Variants in SLC30A2 observed in about 807,000 individuals in gnomAD.
SLC30A2 encodes proton-coupled zinc antiporter SLC30A2.
Under a neutral mutation model 39.6 loss-of-function variants are expected in SLC30A2, and 19 were observed. That is an observed-to-expected ratio of 0.48 (90% CI 0.34 to 0.70). The LOEUF is 0.70. Among genes scored for constraint, SLC30A2 ranks in the 30% least tolerant of loss-of-function variants. SLC30A2 has a pLI of 0.01. For missense variants in SLC30A2, 387 were observed against 479.4 expected (o/e 0.81, Z 1.80); for synonymous variants, 195 against 194.8 (o/e 1.00, Z -0.01).
Position 26,045,944 on chromosome 1 carries a change from G to C in SLC30A2, c.-48C>G. ...CAGCCGCGCAGCCGCCCCGCCGAGT[G>C]CGCCCTGAAAGTTGCGCGCGGGACT... On this transcript the variant is annotated 5_prime_UTR_variant, in exon 1 of 8. Transcript: ENST00000374276. 1 of 1,602,652 alleles carries C rather than the reference G, an allele frequency of 6.2e-7. No homozygotes were observed. Among genetic ancestry groups the C allele is most frequent in the East Asian group, 2.2e-5 (1 of 44,622 alleles).
At chr1:26,044,603 G>A (rs1344999018) in intron 2 of SLC30A2, among the ~76,000 whole-genome samples, 159 bp from the exon 3 acceptor site, 3 of 152,096 alleles carry the variant, frequency 2.0e-5, no homozygotes, top group Admixed American at 6.5e-5. Context: ...CTCTCTCTGA[G>A]CCTCAACTTC....
chr1:26,042,779 A>G (rs2050413276), intron 4 of SLC30A2, 71 bp from the exon 5 acceptor site: 14 of 1,413,468 alleles, frequency 9.9e-6, no homozygotes, highest in South Asian at 6.0e-5. Flanking sequence ...GGACTAGCCA[A>G]CTTGTAGGGC....
rs1293925424 is a variant in SLC30A2, at chr1:26,037,660, T to G, written c.*1500A>C. The G allele has an allele frequency of 6.6e-6, 1 of 152,016 alleles. No homozygotes were observed. Among genetic ancestry groups the G allele is most frequent in the Non-Finnish European group, 1.5e-5 (1 of 68,064 alleles). 9.4% of individuals were successfully genotyped at this position (152,016 alleles called of 1,614,324 possible). Reference sequence around the variant, plus strand: ...GTAGGGGAGGTTGAGTCCCCTGAGATTGTGGTGGAATGGAGCACCCACCAG... The same window carrying G: ...GTAGGGGAGGTTGAGTCCCCTGAGAGTGTGGTGGAATGGAGCACCCACCAG... On this transcript the variant is annotated 3_prime_UTR_variant, in exon 8 of 8. Coordinates refer to ENST00000374276, the MANE Select transcript of SLC30A2 (RefSeq NM_001004434.3).
Position 26,039,427 on chromosome 1 carries a change from GC to G in SLC30A2, c.974-123del. The G allele has an allele frequency of 1.3e-6, 1 of 752,758 alleles. No homozygotes were observed. Among genetic ancestry groups the G allele is most frequent in the Non-Finnish European group, 2.1e-6 (1 of 466,898 alleles). 46.6% of individuals were successfully genotyped at this position (752,758 alleles called of 1,614,324 possible). ...GATGGGGGACCATGAACATGGAGAA[GC>G]CCCCAGATTCCATTCCTCTGCCAGG... On this transcript the variant is annotated intron_variant, in intron 7 of 7. Transcript: ENST00000374276. The surrounding 1 kb of genome is among the most constrained non-coding windows in gnomAD (Gnocchi z 4.3).
chr1:26,039,645 A>G lies in SLC30A2; in HGVS notation c.973+132T>C. ...CTGATCAGATGGAATAATGCGTATC[A>G]AGTACTCAGCATGAGGCTGGGCTTG... is the stretch of plus-strand genomic sequence containing the variant. On this transcript the variant is annotated intron_variant, in intron 7 of 7. Coordinates refer to ENST00000374276, the MANE Select transcript of SLC30A2 (RefSeq NM_001004434.3). This position sits in a 1 kb window ranked among gnomAD's most constrained non-coding sequence, Gnocchi z 4.3. 2 of 855,056 alleles carry G rather than the reference A, an allele frequency of 2.3e-6. No homozygotes were observed. Among genetic ancestry groups the G allele is most frequent in the Non-Finnish European group, 3.6e-6 (2 of 550,068 alleles). The allele number at this position is 855,056 out of a possible 1,614,324, so 53.0% of individuals were successfully genotyped here.
intron 2 of SLC30A2, 121 bp downstream of exon 2, chr1:26,044,876 T>C (rs1032036346): frequency 1.3e-6 from 1 of 776,978 alleles, no homozygotes; most frequent in Non-Finnish European, 2.2e-6. Flanking sequence ...CATCAGATAA[T>C]GTGTATATAA....
intron 1 of SLC30A2, 130 bp from the exon 2 acceptor site, chr1:26,045,347 A>G: frequency 1.4e-6 from 1 of 713,888 alleles, no homozygotes; most frequent in Non-Finnish European, 2.3e-6. Context: ...AGCTCGACAA[A>G]CCAGAGGTGA....
At position 26,039,907 on chromosome 1, in the gene SLC30A2, G is replaced by A. The variant is rs1256642039; in HGVS notation, c.843C>T (p.Thr281=). 2 of 1,613,996 alleles carry A rather than the reference G, an allele frequency of 1.2e-6. No individual in the cohort carries two copies. Among genetic ancestry groups the A allele is most frequent in the South Asian group, 2.2e-5 (2 of 91,074 alleles). Residue 281 remains threonine, a synonymous_variant, in exon 7 of 8, where the codon ACC becomes ACT. Coordinates refer to ENST00000374276, the MANE Select transcript of SLC30A2 (RefSeq NM_001004434.3). The surrounding 1 kb of genome is among the most constrained non-coding windows in gnomAD (Gnocchi z 4.3). The part of the protein sequence containing the change: ...RDVILVLMEG[T]PKGVDFTAVR... ...CAGCTGTGAAGTCAACGCCCTTGGG[G>A]GTCCCTGAGGACGGCAAGGACAGGG...
chr1:26,043,447 C>CA lies in SLC30A2; in HGVS notation c.522_523insT (p.Gly175TrpfsTer112). The CA allele has an allele frequency of 6.2e-7, 1 of 1,614,162 alleles. No individual in the cohort carries two copies. Among genetic ancestry groups the CA allele is most frequent in the Non-Finnish European group, 8.5e-7 (1 of 1,180,004 alleles). On this transcript the variant is annotated frameshift_variant, in exon 4 of 8. Transcript: ENST00000374276. LOFTEE classifies it high-confidence loss of function. ...CCCGACGTGATCAGCATGGTCCCCC[C>CA]GTCAATTTCATAGTCCCCAGAGATC...
rs1378226172 is a variant in SLC30A2 at position 26,045,164 on chromosome 1, C to G, written c.104G>C (p.Arg35Pro). ...QEGAGWIPLP[R>P]PGLDLQAIEL... ...AATGGCCTGCAAGTCCAGGCCAGGT[C>G]GGGGCAGAGGAATCCAGCCAGCCCC... The change falls in exon 2 of 8, where the codon CGA becomes CCA. Residue 35 changes from arginine to proline, a missense_variant. Coordinates refer to ENST00000374276, the MANE Select transcript of SLC30A2 (RefSeq NM_001004434.3). 1.2e-6 allele frequency: 2 copies of G among 1,613,222 alleles called. No homozygotes were observed. Among genetic ancestry groups the G allele is most frequent in the South Asian group, 2.2e-5 (2 of 91,036 alleles).
Position 26,038,055 on chromosome 1 carries a change from T to A in SLC30A2, c.*1105A>T, listed in dbSNP as rs1569688533. 2 of 152,348 alleles carry A rather than the reference T, an allele frequency of 1.3e-5. No individual in the cohort carries two copies. Among genetic ancestry groups the A allele is most frequent in the Middle Eastern group, 6.8e-3 (2 of 294 alleles). The allele number at this position is 152,348 out of a possible 1,614,324, so 9.4% of individuals were successfully genotyped here. A position where few individuals can be genotyped will look rare whatever the true frequency, so the allele number is the denominator to read the frequency against. The stretch of plus-strand genomic sequence containing the variant: ...CAACTGGCTCTTGTTCTCAACCCTG[T>A]GAGGGAGGCATCAACCCTGTCGGTG... On this transcript the variant is annotated 3_prime_UTR_variant, in exon 8 of 8. Transcript: ENST00000374276.
Position 26,045,153 on chromosome 1 carries a change from C to T in SLC30A2, c.115G>A (p.Asp39Asn). 6.2e-7 allele frequency: 1 copy of T among 1,613,686 alleles called. No individual in the cohort carries two copies. Among genetic ancestry groups the T allele is most frequent in the Non-Finnish European group, 8.5e-7 (1 of 1,180,018 alleles). ...GCAGCCAGCTCAATGGCCTGCAAGT[C>T]CAGGCCAGGTCGGGGCAGAGGAATC... ...GWIPLPRPGLDLQAIELAAQS... is the reference protein window; with the variant it reads ...GWIPLPRPGLNLQAIELAAQS... The change falls in exon 2 of 8, where the codon GAC becomes AAC. Residue 39 changes from aspartate (D) to asparagine (N), a missense_variant. By Grantham distance (23) the Asp-to-Asn change is conservative. Transcript: ENST00000374276.
chr1:26,038,497 C>T lies in SLC30A2; in HGVS notation c.*663G>A, dbSNP rs569131124. 1.3e-5 allele frequency: 2 copies of T among 152,404 alleles called. No individual in the cohort carries two copies. Among genetic ancestry groups the T allele is most frequent in the East Asian group, 1.9e-4 (1 of 5,190 alleles). 9.4% of individuals were successfully genotyped at this position (152,404 alleles called of 1,614,324 possible). On this transcript the variant is annotated 3_prime_UTR_variant, in exon 8 of 8. Transcript: ENST00000374276. ...GTGCAGAACCCAAGCTGAAATCTCTCTACCCCCTGCCCACCACCTGTGCCA... is the reference window on the plus strand; with the variant it reads ...GTGCAGAACCCAAGCTGAAATCTCTTTACCCCCTGCCCACCACCTGTGCCA...
intron 2 of SLC30A2, 126 bp downstream of exon 2, chr1:26,044,871 G>T: frequency 1.3e-6 from 1 of 762,454 alleles, no homozygotes; most frequent in Non-Finnish European, 2.3e-6. Flanking sequence ...ACCTGCATCA[G>T]ATAATGTGTA....
chr1:26,046,089 C>G lies in SLC30A2; in HGVS notation c.-193G>C, dbSNP rs1270330195. On this transcript the variant is annotated 5_prime_UTR_variant, in exon 1 of 8. Transcript: ENST00000374276. This position sits in a 1 kb window ranked among gnomAD's most constrained non-coding sequence, Gnocchi z 4.4. Reference sequence around the variant, plus strand: ...GCGGCTGCAGCTCCGGCTCTGGCTCCGCGTGCCAAGCGCTCCCGTGTCTCG... The same window carrying G: ...GCGGCTGCAGCTCCGGCTCTGGCTCGGCGTGCCAAGCGCTCCCGTGTCTCG... 1 of 1,310,082 alleles carries G rather than the reference C, an allele frequency of 7.6e-7. No homozygotes were observed. Among genetic ancestry groups the G allele is most frequent in the African/African-American group, 1.6e-5 (1 of 64,122 alleles). The allele number at this position is 1,310,082 out of a possible 1,614,324, so 81.2% of individuals were successfully genotyped here. A position where few individuals can be genotyped will look rare whatever the true frequency, so the allele number is the denominator to read the frequency against.
Position 26,038,610 on chromosome 1 carries a change from A to T in SLC30A2, c.*550T>A, listed in dbSNP as rs2050364495. 6.6e-6 allele frequency: 1 copy of T among 152,276 alleles called. No individual in the cohort carries two copies. The highest frequency in any genetic ancestry group is 1.5e-5 in the Non-Finnish European group (1 of 68,068). The allele number at this position is 152,276 out of a possible 1,614,324, so 9.4% of individuals were successfully genotyped here. A position where few individuals can be genotyped will look rare whatever the true frequency, so the allele number is the denominator to read the frequency against. The stretch of plus-strand genomic sequence containing the variant: ...AGTAAGAAGCCTCTCCCCTCCAGGA[A>T]AGGGAACATTTGGCTCATAGCTGAA... On this transcript the variant is annotated 3_prime_UTR_variant, in exon 8 of 8. Transcript: ENST00000374276.
chr1:26,038,814 C>T lies in SLC30A2; in HGVS notation c.*346G>A, dbSNP rs1446768296. 8.6e-6 allele frequency: 2 copies of T among 233,444 alleles called. No individual in the cohort carries two copies. Among genetic ancestry groups the T allele is most frequent in the Non-Finnish European group, 1.6e-5 (2 of 126,332 alleles). 14.5% of individuals were successfully genotyped at this position (233,444 alleles called of 1,614,324 possible). The stretch of plus-strand genomic sequence containing the variant: ...TGGGGCATGAGGCAGGCAGTATGGG[C>T]GCGCTGGGGCCAGCCTCCCCTTGGA... On this transcript the variant is annotated 3_prime_UTR_variant, in exon 8 of 8. Transcript: ENST00000374276.
At chr1:26,040,828 A>G (rs1569696745) in intron 6 of SLC30A2, among the ~76,000 whole-genome samples, 1 of 151,986 alleles carries the variant, frequency 6.6e-6, no homozygotes. Flanking sequence ...GTGGTGGCTC[A>G]CATCTGTAAC....
intron 2 of SLC30A2, among the ~76,000 whole-genome samples, 179 bp from the exon 3 acceptor site, chr1:26,044,623 T>C (rs763065194): frequency 2.6e-5 from 4 of 152,064 alleles, no homozygotes; most frequent in Non-Finnish European, 4.4e-5. Context: ...CCACTCTCTG[T>C]GAAATGGGCC....
Sources: allele counts gnomAD v4.1 joint callset (sites outside exome capture counted in the v4.1 genomes callset), GRCh38; gene constraint gnomAD v4.1.1; non-coding constraint Gnocchi (gnomAD v3.1); transcripts MANE v1.5; gene names NCBI Gene and HGNC (gene_info 2026-07-23, HGNC 2026-07-21).